Variants in METTL24 observed in about 807,000 individuals in gnomAD.
METTL24 encodes methyltransferase like 24, also known as probable methyltransferase-like protein 24.
METTL24 carries 29 observed loss-of-function variants against 32.7 expected under a neutral mutation model. The observed-to-expected ratio is 0.89, with a 90% CI of 0.66 to 1.21. The LOEUF is 1.21. Among genes scored for constraint, METTL24 ranks in the 50% most tolerant of loss-of-function variants. METTL24 has a pLI of 0.00. For synonymous variants in METTL24, 163 were observed against 179.5 expected (o/e 0.91, Z 0.73); for missense variants, 439 against 468.1 (o/e 0.94, Z 0.57).
rs955207941 is a variant in METTL24 at position 110,292,601 on chromosome 6, G to A, written c.786+6321C>T. Among the ~76,000 whole-genome samples the A allele has an allele frequency of 3.3e-5, 5 of 151,306 alleles. No individual in the cohort carries two copies. In the East Asian group the frequency reaches 7.8e-4, roughly 23 times the overall value. On this transcript the variant is annotated intron_variant, in intron 4 of 4. Transcript: ENST00000338882. ...TATAAAATGAATTGTCAGTATTTTC[G>A]CAGTTTGTTATTTGTCTTTTAATTT...
At chr6:110,265,125 AAAGGAAAGAAAG>A (rs1272278654) in intron 4 of METTL24, among the ~76,000 whole-genome samples, 14 of 142,752 alleles carry the variant, frequency 9.8e-5, no homozygotes, top group African/African-American at 3.4e-4. Flanking sequence ...GTATAATAAA[AAAGGAAAGAAAG>A]AAAGAAAGAA....
chr6:110,264,035 CA>C (rs1770806162), intron 4 of METTL24, among the ~76,000 whole-genome samples: 3 of 152,092 alleles, frequency 2.0e-5, no homozygotes, highest in Middle Eastern at 3.2e-3. Flanking sequence ...AAAACCTAGG[CA>C]ATACCATTCA....
At chr6:110,281,780 G>T (rs1771141331) in intron 4 of METTL24, among the ~76,000 whole-genome samples, 1 of 150,998 alleles carries the variant, frequency 6.6e-6, no homozygotes, top group Non-Finnish European at 1.5e-5. Context: ...AACACTTGGT[G>T]CTATACTTGA....
intron 4 of METTL24, among the ~76,000 whole-genome samples, chr6:110,290,240 A>G (rs1217584106): frequency 6.6e-6 from 1 of 152,118 alleles, no homozygotes; most frequent in Admixed American, 6.6e-5. Flanking sequence ...TGACGAATGT[A>G]TATACCCATG....
chr6:110,254,207 G>C (rs1387553057), intron 4 of METTL24: 3 of 320,644 alleles, frequency 9.4e-6, no homozygotes, highest in Non-Finnish European at 1.7e-5. Flanking sequence ...AACAAACTGG[G>C]CAACTAAGTT....
intron 1 of METTL24, among the ~76,000 whole-genome samples, chr6:110,341,235 A>C (rs1232762778): frequency 6.6e-6 from 1 of 152,236 alleles, no homozygotes; most frequent in Non-Finnish European, 1.5e-5. Flanking sequence ...TGTGTTAAAC[A>C]GGCTCCAATC....
At chr6:110,280,438 C>A (rs1771117934) in intron 4 of METTL24, among the ~76,000 whole-genome samples, 1 of 151,954 alleles carries the variant, frequency 6.6e-6, no homozygotes, top group African/African-American at 2.4e-5. Context: ...TATTCAGTTC[C>A]CTATTAAAGA....
chr6:110,283,748 C>G (rs1238546312), intron 4 of METTL24, among the ~76,000 whole-genome samples: 1 of 152,068 alleles, frequency 6.6e-6, no homozygotes, highest in African/African-American at 2.4e-5. Flanking sequence ...TATGTACCTG[C>G]TATGGAAAAC....
chr6:110,254,961 A>T (rs1421229298), intron 4 of METTL24, among the ~76,000 whole-genome samples: 2 of 152,214 alleles, frequency 1.3e-5, no homozygotes, highest in Non-Finnish European at 2.9e-5. Flanking sequence ...AATGTGAACA[A>T]GAATAGTAAA....
intron 4 of METTL24, among the ~76,000 whole-genome samples, chr6:110,290,162 C>T (rs570408067): frequency 2.6e-5 from 4 of 152,166 alleles, no homozygotes; most frequent in South Asian, 2.1e-4. Context: ...GAGATCCACC[C>T]CCCCTCAGCC....
intron 3 of METTL24, among the ~76,000 whole-genome samples, chr6:110,304,563 G>T (rs1375562298): frequency 6.6e-6 from 1 of 152,108 alleles, no homozygotes; most frequent in African/African-American, 2.4e-5. Context: ...TGGAAGAAAG[G>T]ATATCAGAGA....
intron 4 of METTL24, among the ~76,000 whole-genome samples, chr6:110,255,859 AGATG>A (rs1778372563): frequency 6.6e-6 from 1 of 152,118 alleles, no homozygotes; most frequent in Non-Finnish European, 1.5e-5. Flanking sequence ...CTTTGCCCTT[AGATG>A]GTGGGACTGG....
chr6:110,284,021 T>C (rs1160146115), intron 4 of METTL24, among the ~76,000 whole-genome samples: 1 of 152,194 alleles, frequency 6.6e-6, no homozygotes, highest in Non-Finnish European at 1.5e-5. Context: ...AATGGAACAT[T>C]ATTTAGCCTT....
intron 3 of METTL24, among the ~76,000 whole-genome samples, chr6:110,299,812 C>T (rs1228103389): frequency 6.6e-6 from 1 of 152,050 alleles, no homozygotes; most frequent in East Asian, 1.9e-4. Context: ...TAATAAACTT[C>T]CAAATATTGA....
In METTL24 at chr6:110,253,159, G is replaced by A. The variant is rs1052506086; in HGVS notation, c.787-6899C>T. Among the ~76,000 whole-genome samples, 46 of 152,114 alleles carry A rather than the reference G, an allele frequency of 3.0e-4. 1 individual carries two copies. Among genetic ancestry groups the A allele is most frequent in the African/African-American group, 9.9e-4 (41 of 41,420 alleles). ...GAAAGGTGTCTGACTGCCCCGAGGC[G>A]GTACTGCTATGAGAAAATCCAAACT... On this transcript the variant is annotated intron_variant, in intron 4 of 4. Coordinates refer to ENST00000338882, the MANE Select transcript of METTL24 (RefSeq NM_001123364.3).
At chr6:110,262,112 A>T (rs1234385903) in intron 4 of METTL24, among the ~76,000 whole-genome samples, 2 of 152,232 alleles carry the variant, frequency 1.3e-5, no homozygotes, top group Non-Finnish European at 2.9e-5. Flanking sequence ...GAAATAACTA[A>T]GATCAGAGCA....
chr6:110,347,693 TG>T (rs1359525671), intron 1 of METTL24, among the ~76,000 whole-genome samples: 4 of 152,138 alleles, frequency 2.6e-5, no homozygotes, highest in African/African-American at 9.7e-5. Flanking sequence ...TGAGGGAAAA[TG>T]GTATTTAAAA....
rs956138806 is a variant in METTL24 at position 110,319,956 on chromosome 6, C to G, written c.417+2818G>C. Among the ~76,000 whole-genome samples the G allele has an allele frequency of 4.6e-5, 7 of 152,270 alleles. 1 individual carries two copies. The South Asian group carries it at 6.2e-4, about 14-fold the overall frequency. ...GCTTTCCCCATCCATCTGTCTCCCCCCTGTTAGAGAACACCCAACTCTCTT... is the reference window on the plus strand; with the variant it reads ...GCTTTCCCCATCCATCTGTCTCCCCGCTGTTAGAGAACACCCAACTCTCTT... On this transcript the variant is annotated intron_variant, in intron 2 of 4. Coordinates refer to ENST00000338882, the MANE Select transcript of METTL24 (RefSeq NM_001123364.3).
chr6:110,327,961 T>C (rs1181827818), intron 1 of METTL24, among the ~76,000 whole-genome samples: 8 of 152,222 alleles, frequency 5.3e-5, no homozygotes, highest in African/African-American at 1.7e-4. Context: ...TTCCCAATCC[T>C]GCCTGCCACC....
Sources: allele counts gnomAD v4.1 joint callset (sites outside exome capture counted in the v4.1 genomes callset), GRCh38; gene constraint gnomAD v4.1.1; transcripts MANE v1.5; gene names NCBI Gene and HGNC (gene_info 2026-07-23, HGNC 2026-07-21).